The following ZNF326 variants were observed in gnomAD, a reference collection of about 807,000 sequenced individuals.
ZNF326 encodes the protein DBIRD complex subunit ZNF326.
In ZNF326, 30 loss-of-function variants were observed where a neutral mutation model predicts 63.1. That is an observed-to-expected ratio of 0.48 (90% CI 0.36 to 0.64). The LOEUF (loss-of-function observed/expected upper bound fraction) is 0.64, where lower values mean the gene tolerates loss of function less well. ZNF326 is among the 30% of genes least tolerant of loss of function. The probability of loss-of-function intolerance (pLI) is 0.00; values close to 1 mark genes in which losing one functional copy is unlikely to be tolerated. For synonymous variants in ZNF326, 194 were observed against 228.2 expected (o/e 0.85, Z 1.35); for missense variants, 609 against 720.3 (o/e 0.85, Z 1.77).
chr1:90,013,887 C>T (rs1262609140), intron 7 of ZNF326, among the ~76,000 whole-genome samples: 1 of 151,904 alleles, frequency 6.6e-6, no homozygotes, highest in Non-Finnish European at 1.5e-5. Context: ...CACGGTGAAA[C>T]CCCGTCTCTA....
chr1:89,996,894 G>A (rs1410990589), intron 1 of ZNF326, among the ~76,000 whole-genome samples: 1 of 152,260 alleles, frequency 6.6e-6, no homozygotes, highest in East Asian at 1.9e-4. Context: ...GGCTAACAAA[G>A]TGGAGGTGGG....
intron 1 of ZNF326, among the ~76,000 whole-genome samples, chr1:89,997,497 C>T (rs1259987306): frequency 6.6e-6 from 1 of 152,068 alleles, no homozygotes; most frequent in African/African-American, 2.4e-5. Flanking sequence ...CCTCAGCCTC[C>T]CTAGTAGCTG....
chr1:90,013,397 C>A (rs1649347061), intron 7 of ZNF326, among the ~76,000 whole-genome samples, 160 bp downstream of exon 7: 1 of 152,132 alleles, frequency 6.6e-6, no homozygotes, highest in Admixed American at 6.5e-5. Context: ...TATATGTAAT[C>A]ACTACTTAGA....
rs1649068262 is a variant in ZNF326 at position 90,007,995 on chromosome 1, G to A, written c.615+245G>A. On this transcript the variant is annotated intron_variant, in intron 5 of 11. Transcript: ENST00000340281. The surrounding 1 kb of genome is among the most constrained non-coding windows in gnomAD (Gnocchi z 4.9). ...CCTTTATTAAAAAGGTGAGGCTACTGGTTTGGTCTAAAAGGGGTTAAAAGG... is the reference window on the plus strand; with the variant it reads ...CCTTTATTAAAAAGGTGAGGCTACTAGTTTGGTCTAAAAGGGGTTAAAAGG... Among the ~76,000 whole-genome samples the A allele has an allele frequency of 1.3e-5, 2 of 152,156 alleles. No homozygotes were observed. The highest frequency in any genetic ancestry group is 4.1e-4 in the South Asian group (2 of 4,824).
In ZNF326 at chr1:89,997,989, T is replaced by A. The variant is rs1570931275; in HGVS notation, c.17-121T>A. On this transcript the variant is annotated intron_variant, in intron 1 of 11. Coordinates refer to ENST00000340281, the MANE Select transcript of ZNF326 (RefSeq NM_182976.4). ...TTATTTGTTTTAACTATTCTCAGTT[T>A]TGCAGATAATTGGGTTAATGTCATT... The A allele has an allele frequency of 4.1e-6, 3 of 729,630 alleles. No homozygotes were observed. In the East Asian group the frequency reaches 7.8e-5, roughly 19 times the overall value. The allele number at this position is 729,630 out of a possible 1,614,324, so 45.2% of individuals were successfully genotyped here.
chr1:90,017,952 C>A (rs765483857), intron 8 of ZNF326, among the ~76,000 whole-genome samples: 2 of 152,042 alleles, frequency 1.3e-5, no homozygotes, highest in Admixed American at 6.5e-5. Context: ...GTTGATTGTA[C>A]GTACAATTAA....
chr1:90,002,822 C>T (rs1648752291), intron 2 of ZNF326, among the ~76,000 whole-genome samples: 1 of 152,134 alleles, frequency 6.6e-6, no homozygotes, highest in Admixed American at 6.5e-5. Context: ...ATGTCTTGCA[C>T]TTTGAATGGA....
chr1:89,997,661 G>T (rs1280619386), intron 1 of ZNF326, among the ~76,000 whole-genome samples: 1 of 152,168 alleles, frequency 6.6e-6, no homozygotes, highest in Non-Finnish European at 1.5e-5. Flanking sequence ...GTGAGCCACC[G>T]TGCCCGGCCA....
intron 9 of ZNF326, 84 bp downstream of exon 9, chr1:90,018,868 A>T: frequency 1.4e-6 from 1 of 720,132 alleles, no homozygotes; most frequent in Non-Finnish European, 2.2e-6. Flanking sequence ...GATAGCCACT[A>T]GAGTGATATA....
Position 90,007,213 on chromosome 1 carries a change from A to C in ZNF326, c.210-132A>C, listed in dbSNP as rs537467514. ...CCAGCCCTAATCAAATGTGAACAAA[A>C]GTAGAACTGTGCAAACCAGTATGGT... On this transcript the variant is annotated intron_variant, in intron 4 of 11. Transcript: ENST00000340281. The surrounding 1 kb of genome is among the most constrained non-coding windows in gnomAD (Gnocchi z 4.9). 4 of 895,070 alleles carry C rather than the reference A, an allele frequency of 4.5e-6. No homozygotes were observed. Among genetic ancestry groups the C allele is most frequent in the Non-Finnish European group, 6.6e-6 (4 of 606,576 alleles). 55.4% of individuals were successfully genotyped at this position (895,070 alleles called of 1,614,324 possible).
chr1:90,028,348 CTTGAA>C lies in ZNF326; in HGVS notation c.*650_*654del, dbSNP rs1007903620. On this transcript the variant is annotated 3_prime_UTR_variant, in exon 12 of 12. Transcript: ENST00000340281. ...AAGTATTTTAAGATGATTGAGAAGA[CTTGAA>C]TTAAAGAAAAAAAAATTCTCAATCA... 9.0e-6 allele frequency: 1 copy of C among 110,734 alleles called. No individual in the cohort carries two copies. Among genetic ancestry groups the C allele is most frequent in the Non-Finnish European group, 1.8e-5 (1 of 54,214 alleles). The allele number at this position is 110,734 out of a possible 1,614,324, so 6.9% of individuals were successfully genotyped here.
At chr1:90,013,083 GAAA>G in intron 6 of ZNF326, 40 bp from the exon 7 acceptor site, 1 of 1,517,008 alleles carries the variant, frequency 6.6e-7, no homozygotes, top group Non-Finnish European at 9.0e-7. Context: ...AGAGAGAATG[GAAA>G]AATGAATTTT....
rs1650323407 is a variant in ZNF326 at position 90,032,559 on chromosome 1, A to C, written c.*4858A>C. The C allele has an allele frequency of 6.6e-6, 1 of 152,242 alleles. No individual in the cohort carries two copies. The highest frequency in any genetic ancestry group is 2.1e-4 in the South Asian group (1 of 4,828). The allele number at this position is 152,242 out of a possible 1,614,324, so 9.4% of individuals were successfully genotyped here. Reference sequence around the variant, plus strand: ...TTATAATCACACTAGGAAGACAAGAAGGGTGCTGTGAAATATTTCTAGAAG... The same window carrying C: ...TTATAATCACACTAGGAAGACAAGACGGGTGCTGTGAAATATTTCTAGAAG... On this transcript the variant is annotated 3_prime_UTR_variant, in exon 12 of 12. Coordinates refer to ENST00000340281, the MANE Select transcript of ZNF326 (RefSeq NM_182976.4).
chr1:90,018,003 C>CGT lies in ZNF326; in HGVS notation c.1074+539_1074+540insGT, dbSNP rs533423952. Among the ~76,000 whole-genome samples, 10 of 152,200 alleles carry CGT rather than the reference C, an allele frequency of 6.6e-5. No homozygotes were observed. In the South Asian group the frequency reaches 2.1e-3, roughly 32 times the overall value. ...TGGAATTATTAGAAAGTTAAAAATA[C>CGT]AATGATCAGGCCGGGCGCAGTGGCT... On this transcript the variant is annotated intron_variant, in intron 8 of 11. Coordinates refer to ENST00000340281, the MANE Select transcript of ZNF326 (RefSeq NM_182976.4).
intron 2 of ZNF326, 89 bp from the exon 3 acceptor site, chr1:90,004,914 T>G (rs1648897976): frequency 9.2e-7 from 1 of 1,083,490 alleles, no homozygotes; most frequent in Non-Finnish European, 1.3e-6. Context: ...TTATCTCAGG[T>G]GATAGATAGG....
At chr1:90,025,316 A>C (rs1432601254) in intron 11 of ZNF326, among the ~76,000 whole-genome samples, 1 of 152,148 alleles carries the variant, frequency 6.6e-6, no homozygotes, top group African/African-American at 2.4e-5. Context: ...TCTTATTTTG[A>C]GACAGAGTCT....
chr1:90,020,946 A>ATT (rs755801228), intron 10 of ZNF326, 24 bp downstream of exon 10: 2 of 1,606,868 alleles, frequency 1.2e-6, no homozygotes, highest in South Asian at 1.1e-5. Context: ...CTGTCTTAAT[A>ATT]AAGTTGCCAG....
chr1:90,017,592 G>T (rs1368052591), intron 8 of ZNF326, 128 bp downstream of exon 8: 2 of 828,262 alleles, frequency 2.4e-6, no homozygotes, highest in South Asian at 2.1e-5. Context: ...AGAAAGAGTT[G>T]TTTTAAAATT....
chr1:90,003,516 G>C (rs1648803392), intron 2 of ZNF326, among the ~76,000 whole-genome samples: 1 of 152,212 alleles, frequency 6.6e-6, no homozygotes, highest in African/African-American at 2.4e-5. Context: ...GTAAGGCAGA[G>C]TATCACAAGC....
Sources: gnomAD v4.1 joint callset for allele counts (sites outside exome capture counted in the v4.1 genomes callset) on GRCh38, gnomAD v4.1.1 for gene constraint, Gnocchi (gnomAD v3.1) non-coding constraint, MANE v1.5 for transcripts, NCBI Gene and HGNC (gene_info 2026-07-23, HGNC 2026-07-21) for gene names.